Variants in MAML3 observed in about 807,000 individuals in gnomAD.
The protein encoded by MAML3 is mastermind-like protein 3.
In MAML3, 27 loss-of-function variants were observed where a neutral mutation model predicts 101.9. The observed-to-expected ratio is 0.27, with a 90% CI of 0.20 to 0.37. The LOEUF (loss-of-function observed/expected upper bound fraction) is 0.37. Ranked by LOEUF, MAML3 falls within the 10% of genes least tolerant of loss-of-function variation. The pLI, the probability that MAML3 is intolerant of heterozygous loss-of-function variation, is 1.00. For synonymous variants in MAML3, 501 were observed against 555.9 expected (o/e 0.90, Z 1.39); for missense variants, 1,316 against 1,444.9 (o/e 0.91, Z 1.45).
intron 1 of MAML3, among the ~76,000 whole-genome samples, chr4:140,018,762 T>C (rs1726687646): frequency 6.6e-6 from 1 of 152,230 alleles, no homozygotes; most frequent in Non-Finnish European, 1.5e-5. Context: ...TTTAATGTTT[T>C]GTATATAATG....
rs542026653 is a variant in MAML3, at chr4:139,876,524, G to C, written c.2079+12833C>G. Among the ~76,000 whole-genome samples the C allele has an allele frequency of 1.1e-3, 175 of 152,350 alleles. 1 individual carries two copies. The highest frequency in any genetic ancestry group is 1.7e-3 in the South Asian group (8 of 4,826). ...TACACTCAGATGTGAATCGCCTCCT[G>C]TTCCAGGGCCTTCAATCACCCTTCT... On this transcript the variant is annotated intron_variant, in intron 2 of 4. Transcript: ENST00000509479.
At chr4:139,776,059 C>T (rs1730089787) in intron 2 of MAML3, among the ~76,000 whole-genome samples, 3 of 152,192 alleles carry the variant, frequency 2.0e-5, no homozygotes. Context: ...CACCAAATAG[C>T]ATGCCAAATC....
chr4:140,132,786 C>T (rs1052549369), intron 1 of MAML3, among the ~76,000 whole-genome samples: 5 of 152,258 alleles, frequency 3.3e-5, no homozygotes, highest in South Asian at 2.1e-4. Flanking sequence ...TTCCTATATG[C>T]GGCATATTTT....
intron 2 of MAML3, among the ~76,000 whole-genome samples, chr4:139,797,847 G>C (rs1730537772): frequency 6.6e-6 from 1 of 152,106 alleles, no homozygotes; most frequent in Non-Finnish European, 1.5e-5. Context: ...TGTATTTATA[G>C]ATGAAGCAAT....
intron 1 of MAML3, among the ~76,000 whole-genome samples, chr4:139,949,163 G>A (rs1162905223): frequency 3.3e-5 from 5 of 152,198 alleles, no homozygotes; most frequent in South Asian, 2.1e-4. Context: ...CTACAGGCAC[G>A]CGGCACGACA....
At chr4:139,933,031 A>G (rs1229841760) in intron 1 of MAML3, among the ~76,000 whole-genome samples, 1 of 152,212 alleles carries the variant, frequency 6.6e-6, no homozygotes, top group East Asian at 1.9e-4. Flanking sequence ...AAAGCGACAC[A>G]GCAGACAGAC....
intron 2 of MAML3, among the ~76,000 whole-genome samples, chr4:139,767,227 T>C (rs1387567817): frequency 6.6e-6 from 1 of 152,216 alleles, no homozygotes; most frequent in Non-Finnish European, 1.5e-5. Flanking sequence ...GGAATCTCTT[T>C]TGGTGGCACC....
At chr4:140,112,669 A>C (rs1474749657) in intron 1 of MAML3, among the ~76,000 whole-genome samples, 2 of 152,254 alleles carry the variant, frequency 1.3e-5, no homozygotes, top group African/African-American at 4.8e-5. Flanking sequence ...CACACCAGCC[A>C]GTCTGCTTGC....
intron 1 of MAML3, among the ~76,000 whole-genome samples, chr4:140,026,337 C>G (rs1394012807): frequency 6.6e-6 from 1 of 152,204 alleles, no homozygotes; most frequent in Admixed American, 6.5e-5. Flanking sequence ...TCACTGCAAC[C>G]TCCACCTCCC....
chr4:139,849,433 C>T (rs1256884966), intron 2 of MAML3, among the ~76,000 whole-genome samples: 1 of 152,144 alleles, frequency 6.6e-6, no homozygotes, highest in African/African-American at 2.4e-5. Context: ...GCTGTGTCTA[C>T]AAGAAACACG....
At chr4:139,920,847 C>T (rs184244612) in intron 1 of MAML3, among the ~76,000 whole-genome samples, 1 of 152,296 alleles carries the variant, frequency 6.6e-6, no homozygotes, top group Admixed American at 6.5e-5. Flanking sequence ...GGGGCCAGGG[C>T]TGCACACAGG....
chr4:139,900,330 T>A (rs1011503282), intron 1 of MAML3, among the ~76,000 whole-genome samples: 24 of 152,228 alleles, frequency 1.6e-4, no homozygotes, highest in African/African-American at 5.5e-4. Context: ...TGTGGCTGAA[T>A]CTTTAGGTAT....
In MAML3 at chr4:139,889,906, C is replaced by T. The variant is rs1560826153; in HGVS notation, c.1530G>A (p.Gln510=). 2 of 1,596,234 alleles carry T rather than the reference C, an allele frequency of 1.3e-6. No individual in the cohort carries two copies. The highest frequency in any genetic ancestry group is 1.7e-6 in the Non-Finnish European group (2 of 1,173,878). Residue 510 remains glutamine, a synonymous_variant, in exon 2 of 5, where the codon CAG becomes CAA. Coordinates refer to ENST00000509479, the MANE Select transcript of MAML3 (RefSeq NM_018717.5). ...ACCAATTTGAAGTCTGATTTGAGTG[C>T]TGTTGCTGCTGCTGCTGCTGCTGCT... ...QQQQQQQQQQ[Q]HSNQTSNWSP...
intron 1 of MAML3, among the ~76,000 whole-genome samples, chr4:139,981,655 CCAA>C (rs1208763896): frequency 6.6e-6 from 1 of 152,118 alleles, no homozygotes; most frequent in Non-Finnish European, 1.5e-5. Context: ...ATCCAAGATA[CCAA>C]CATTACCTTT....
At chr4:139,811,122 A>C (rs1358185724) in intron 2 of MAML3, among the ~76,000 whole-genome samples, 1 of 152,350 alleles carries the variant, frequency 6.6e-6, no homozygotes, top group East Asian at 1.9e-4. Flanking sequence ...ATTTCCTCTC[A>C]TCTGCCTGTG....
At chr4:140,039,318 G>A (rs1460601254) in intron 1 of MAML3, among the ~76,000 whole-genome samples, 1 of 152,024 alleles carries the variant, frequency 6.6e-6, no homozygotes, top group Non-Finnish European at 1.5e-5. Flanking sequence ...CCTGTCTGCT[G>A]GACTGCTCCC....
intron 2 of MAML3, among the ~76,000 whole-genome samples, chr4:139,805,361 A>T (rs896393426): frequency 1.3e-5 from 2 of 152,210 alleles, no homozygotes; most frequent in African/African-American, 4.8e-5. Flanking sequence ...AATTTAATCC[A>T]ATTAGTTTTC....
At chr4:140,021,430 G>A (rs1181843491) in intron 1 of MAML3, among the ~76,000 whole-genome samples, 2 of 152,308 alleles carry the variant, frequency 1.3e-5, no homozygotes, top group East Asian at 3.9e-4. Flanking sequence ...CCTAATGTGT[G>A]CCAGGCATTT....
intron 2 of MAML3, among the ~76,000 whole-genome samples, chr4:139,814,025 A>ACACACACAC (rs1730851144): frequency 3.0e-4 from 44 of 145,134 alleles, no homozygotes; most frequent in Non-Finnish European, 5.0e-4. Flanking sequence ...CACAAACACA[A>ACACACACAC]ACACACACAC....
Sources: gnomAD v4.1 joint callset for allele counts (sites outside exome capture counted in the v4.1 genomes callset) on GRCh38, gnomAD v4.1.1 for gene constraint, MANE v1.5 for transcripts, NCBI Gene and HGNC (gene_info 2026-07-23, HGNC 2026-07-21) for gene names.